GRIA1: variants seen among roughly 807,000 people sequenced by gnomAD.
The protein encoded by GRIA1 is glutamate ionotropic receptor AMPA type subunit 1, also known as glutamate receptor 1.
A neutral mutation model predicts 99.2 loss-of-function variants in GRIA1; 31 were observed. The ratio of observed to expected loss-of-function variants is 0.31; its 90% confidence interval spans 0.23 to 0.42. GRIA1 has a LOEUF of 0.42. GRIA1 is among the 10% of genes least tolerant of loss of function. The pLI, the probability that GRIA1 is intolerant of heterozygous loss-of-function variation, is 1.00. For synonymous variants in GRIA1, 438 were observed against 432.4 expected, an observed-to-expected ratio of 1.01 and a Z score of -0.16; for missense variants, 782 against 1,157.5, an observed-to-expected ratio of 0.68 and a Z score of 4.71.
At chr5:153,545,176 G>C (rs556584689) in intron 2 of GRIA1, among the ~76,000 whole-genome samples, 59 of 152,268 alleles carry the variant, frequency 3.9e-4, no homozygotes, top group African/African-American at 1.3e-3. Context: ...AAACGGAAAG[G>C]CATTCATTTT....
In GRIA1 at chr5:153,553,245, A is replaced by G. The variant is rs1760315960; in HGVS notation, c.220+59180A>G. On this transcript the variant is annotated intron_variant, in intron 2 of 15. Transcript: ENST00000285900. ...ATGCTCATGGGATTCCCATTTTATG[A>G]TGGTAGATGTGTTACTGGTGGTGAA... Among the ~76,000 whole-genome samples the G allele has an allele frequency of 2.0e-5, 3 of 152,320 alleles. No homozygotes were observed. In the South Asian group the frequency reaches 6.2e-4, roughly 32 times the overall value.
chr5:153,503,314 G>T (rs1392885313), intron 2 of GRIA1, among the ~76,000 whole-genome samples: 1 of 152,156 alleles, frequency 6.6e-6, no homozygotes, highest in Non-Finnish European at 1.5e-5. Flanking sequence ...ACATTGACTT[G>T]CTGTGTAACC....
intron 1 of GRIA1, among the ~76,000 whole-genome samples, chr5:153,493,398 CA>C (rs1389583725): frequency 2.0e-5 from 3 of 152,148 alleles, no homozygotes; most frequent in Non-Finnish European, 4.4e-5. Flanking sequence ...CTTGCTAGGC[CA>C]AAGACTAAAA....
intron 2 of GRIA1, among the ~76,000 whole-genome samples, chr5:153,644,539 G>T (rs79828381): frequency 0.019 from 2,898 of 152,202 alleles, 42 homozygotes; most frequent in Non-Finnish European, 0.031. Flanking sequence ...ACACTCTGCT[G>T]GCTTTTGGGC....
intron 11 of GRIA1, among the ~76,000 whole-genome samples, chr5:153,723,319 G>C (rs1377980638): frequency 6.6e-6 from 1 of 152,240 alleles, no homozygotes; most frequent in Non-Finnish European, 1.5e-5. Flanking sequence ...GAGTGACAGA[G>C]AAGACGGGTG....
chr5:153,673,256 A>T (rs116108996), intron 5 of GRIA1, among the ~76,000 whole-genome samples: 2,798 of 152,268 alleles, frequency 0.018, 35 homozygotes, highest in Non-Finnish European at 0.03. Flanking sequence ...CTAAGCCAAG[A>T]CCACCTCCTT....
intron 14 of GRIA1, among the ~76,000 whole-genome samples, chr5:153,796,294 C>A (rs1490117070): frequency 6.6e-6 from 1 of 152,084 alleles, no homozygotes; most frequent in Non-Finnish European, 1.5e-5. Flanking sequence ...ATTCACATAC[C>A]ACCTGTGTCG....
intron 5 of GRIA1, among the ~76,000 whole-genome samples, chr5:153,666,423 A>C (rs984568090): frequency 6.6e-6 from 1 of 152,184 alleles, no homozygotes; most frequent in African/African-American, 2.4e-5. Flanking sequence ...AAAGGAGCTA[A>C]GGGAAATGCC....
At chr5:153,579,076 T>C (rs1762821287) in intron 2 of GRIA1, among the ~76,000 whole-genome samples, 2 of 152,190 alleles carry the variant, frequency 1.3e-5, no homozygotes, top group Admixed American at 1.3e-4. Context: ...TTGTGCTTGA[T>C]AAATTTTGAA....
At chr5:153,779,279 A>G (rs1764481938) in intron 13 of GRIA1, among the ~76,000 whole-genome samples, 1 of 152,202 alleles carries the variant, frequency 6.6e-6, no homozygotes, top group African/African-American at 2.4e-5. Flanking sequence ...TGATTTGTGG[A>G]ACAGTGCTTA....
At chr5:153,523,606 T>C (rs1035708752) in intron 2 of GRIA1, among the ~76,000 whole-genome samples, 4 of 152,194 alleles carry the variant, frequency 2.6e-5, no homozygotes, top group East Asian at 1.9e-4. Context: ...AGGTCTGTCA[T>C]TGACTGGCCT....
chr5:153,778,965 A>G (rs1365640955), intron 13 of GRIA1, among the ~76,000 whole-genome samples: 1 of 152,164 alleles, frequency 6.6e-6, no homozygotes, highest in Non-Finnish European at 1.5e-5. Context: ...CTGCTTGTCC[A>G]TAACAGATTG....
chr5:153,723,600 C>A lies in GRIA1; in HGVS notation c.1823+17533C>A, dbSNP rs377339249. 4.4e-3 allele frequency among the ~76,000 whole-genome samples: 668 copies of A among 152,318 alleles called. 2 individuals carry two copies. The highest frequency in any genetic ancestry group is 7.2e-3 in the Non-Finnish European group (487 of 68,024). On this transcript the variant is annotated intron_variant, in intron 11 of 15. Coordinates refer to ENST00000285900, the MANE Select transcript of GRIA1 (RefSeq NM_000827.4). ...CGCACCAGGAGATTATATCCCCCACCTGGCTCGGAGGGTCCTACCCCCACG... is the reference window on the plus strand; with the variant it reads ...CGCACCAGGAGATTATATCCCCCACATGGCTCGGAGGGTCCTACCCCCACG...
chr5:153,508,094 A>G (rs1755712848), intron 2 of GRIA1, among the ~76,000 whole-genome samples: 1 of 152,242 alleles, frequency 6.6e-6, no homozygotes, highest in African/African-American at 2.4e-5. Flanking sequence ...AATACTAGTT[A>G]AATGATACAA....
chr5:153,575,705 C>T (rs577864851), intron 2 of GRIA1, among the ~76,000 whole-genome samples: 1 of 152,204 alleles, frequency 6.6e-6, no homozygotes, highest in African/African-American at 2.4e-5. Flanking sequence ...TCTCCTGTGG[C>T]CTTTCCCATG....
chr5:153,490,852 G>A lies in GRIA1; in HGVS notation c.-37G>A, dbSNP rs61999280. On this transcript the variant is annotated 5_prime_UTR_variant, in exon 1 of 16. Transcript: ENST00000285900. ...GGGGGGAAACACCAAATCTATGATTGGACCTGGGCTTCTTTTTCGCCAATG... is the reference window on the plus strand; with the variant it reads ...GGGGGGAAACACCAAATCTATGATTAGACCTGGGCTTCTTTTTCGCCAATG... The A allele has an allele frequency of 2.3e-4, 343 of 1,462,500 alleles. 2 individuals carry two copies. The highest frequency in any genetic ancestry group is 1.3e-3 in the Admixed American group (76 of 59,836). 90.6% of individuals were successfully genotyped at this position (1,462,500 alleles called of 1,614,324 possible).
chr5:153,549,601 A>C (rs750330002), intron 2 of GRIA1, among the ~76,000 whole-genome samples: 1 of 152,172 alleles, frequency 6.6e-6, no homozygotes, highest in Non-Finnish European at 1.5e-5. Context: ...AACATCCAAA[A>C]AGTGGGCAAA....
chr5:153,500,610 T>TACACACACACAC (rs35636352), intron 2 of GRIA1, among the ~76,000 whole-genome samples: 5 of 120,120 alleles, frequency 4.2e-5, no homozygotes, highest in African/African-American at 9.0e-5. Flanking sequence ...CCCTCTTACA[T>TACACACACACAC]ACACACACAC....
chr5:153,759,257 AC>A (rs1280284827), intron 11 of GRIA1, among the ~76,000 whole-genome samples: 1 of 151,760 alleles, frequency 6.6e-6, no homozygotes, highest in Non-Finnish European at 1.5e-5. Context: ...GGGGCTAAAA[AC>A]AACACAAAAG....
Sources: gnomAD v4.1 joint callset for allele counts (sites outside exome capture counted in the v4.1 genomes callset) on GRCh38, gnomAD v4.1.1 for gene constraint, MANE v1.5 for transcripts, NCBI Gene and HGNC (gene_info 2026-07-23, HGNC 2026-07-21) for gene names.